Variants in CSMD1 observed in about 807,000 individuals in gnomAD.
The protein encoded by CSMD1 is CUB and Sushi multiple domains 1.
CSMD1 carries 213 observed loss-of-function variants against 417.5 expected under a neutral mutation model. The observed-to-expected ratio is 0.51, with a 90% CI of 0.46 to 0.57. CSMD1 has a LOEUF of 0.57. CSMD1 is among the 20% of genes least tolerant of loss of function. The pLI is 0.00. For synonymous variants in CSMD1, 2,862 were observed against 1,736.8 expected (o/e 1.65, Z -16.11); for missense variants, 6,923 against 4,529.7 (o/e 1.53, Z -15.17).
chr8:3,291,744 T>G (rs1312780115), intron 25 of CSMD1, among the ~76,000 whole-genome samples: 1 of 152,184 alleles, frequency 6.6e-6, no homozygotes, highest in Non-Finnish European at 1.5e-5. Flanking sequence ...TTGCTAGTGG[T>G]TTATCAGTTT....
chr8:4,069,796 T>G (rs1208964145), intron 3 of CSMD1, among the ~76,000 whole-genome samples: 1 of 152,202 alleles, frequency 6.6e-6, no homozygotes, highest in Non-Finnish European at 1.5e-5. Flanking sequence ...GTTAAACACG[T>G]AATTACTCGA....
intron 34 of CSMD1, 39 bp from the exon 35 acceptor site, chr8:3,189,050 T>G: frequency 6.3e-7 from 1 of 1,584,952 alleles, no homozygotes; most frequent in Non-Finnish European, 8.6e-7. Context: ...TAAAGTGCTG[T>G]GGGACAGTGT....
intron 3 of CSMD1, among the ~76,000 whole-genome samples, chr8:4,318,049 C>T (rs772341284): frequency 3.1e-4 from 47 of 152,014 alleles, no homozygotes; most frequent in Admixed American, 1.0e-3. Flanking sequence ...TAAAATTGTG[C>T]GTTCGTTTTT....
rs1442281381 is a variant in CSMD1 at position 4,964,207 on chromosome 8, C to G, written c.85+30125G>C. Among the ~76,000 whole-genome samples the G allele has an allele frequency of 2.0e-5, 3 of 151,776 alleles. No individual in the cohort carries two copies. In the East Asian group the frequency reaches 5.8e-4, roughly 29 times the overall value. ...GGAAATACATTAATACATTTTAGAG[C>G]AAAATGAATGAATGAGTAGCAGGCA... On this transcript the variant is annotated intron_variant, in intron 1 of 69. Transcript: ENST00000635120.
At chr8:3,535,803 G>C (rs1371253145) in intron 10 of CSMD1, among the ~76,000 whole-genome samples, 1 of 152,132 alleles carries the variant, frequency 6.6e-6, no homozygotes, top group Non-Finnish European at 1.5e-5. Context: ...CCAAGGGCTG[G>C]ATTCCTTGCA....
intron 2 of CSMD1, among the ~76,000 whole-genome samples, chr8:4,483,505 G>C (rs1801213180): frequency 6.6e-6 from 1 of 152,164 alleles, no homozygotes; most frequent in African/African-American, 2.4e-5. Flanking sequence ...TATGATGTAT[G>C]AAAGTCATAC....
chr8:3,291,612 A>C (rs1206180595), intron 25 of CSMD1, among the ~76,000 whole-genome samples: 3 of 152,118 alleles, frequency 2.0e-5, no homozygotes. Flanking sequence ...GTTTATTTGC[A>C]TAGAGGTGTT....
intron 1 of CSMD1, among the ~76,000 whole-genome samples, chr8:4,803,687 C>A (rs1798432875): frequency 6.6e-6 from 1 of 152,120 alleles, no homozygotes; most frequent in Admixed American, 6.5e-5. Flanking sequence ...TAAAGTTAAG[C>A]TCATTTCTGC....
chr8:3,605,625 C>T (rs994983626), intron 8 of CSMD1, among the ~76,000 whole-genome samples: 3 of 152,028 alleles, frequency 2.0e-5, no homozygotes, highest in African/African-American at 7.2e-5. Context: ...TTTGATGACA[C>T]ATAATTCATA....
At chr8:4,025,335 T>C (rs772943670) in intron 4 of CSMD1, among the ~76,000 whole-genome samples, 1 of 152,222 alleles carries the variant, frequency 6.6e-6, no homozygotes, top group Admixed American at 6.5e-5. Context: ...TCAGGAAGAA[T>C]ACCTTGTTTT....
At chr8:2,997,610 C>T (rs986652332) in intron 54 of CSMD1, among the ~76,000 whole-genome samples, 5 of 152,098 alleles carry the variant, frequency 3.3e-5, no homozygotes, top group African/African-American at 9.6e-5. Context: ...TCTGTGACTA[C>T]GTTTAAAGAA....
At chr8:3,861,000 T>C (rs914445287) in intron 5 of CSMD1, among the ~76,000 whole-genome samples, 1 of 152,230 alleles carries the variant, frequency 6.6e-6, no homozygotes, top group Non-Finnish European at 1.5e-5. Flanking sequence ...ATGGAAAGTA[T>C]GACAGATATG....
intron 30 of CSMD1, among the ~76,000 whole-genome samples, chr8:3,207,314 ATT>A (rs34423835): frequency 4.3e-4 from 59 of 138,414 alleles, no homozygotes; most frequent in Non-Finnish European, 5.2e-4. Context: ...CACCTGGCTG[ATT>A]TTTTTTTTTT....
rs114957950 is a variant in CSMD1 at position 3,611,604 on chromosome 8, G to C, written c.1097+5106C>G. On this transcript the variant is annotated intron_variant, in intron 8 of 69. Coordinates refer to ENST00000635120, the MANE Select transcript of CSMD1 (RefSeq NM_033225.6). Reference sequence around the variant, plus strand: ...AGTAATAAAATTGTAATTTTCATTTGTAATTTTCTAACGAAAATTAGAAAA... The same window carrying C: ...AGTAATAAAATTGTAATTTTCATTTCTAATTTTCTAACGAAAATTAGAAAA... 6.2e-3 allele frequency among the ~76,000 whole-genome samples: 938 copies of C among 152,134 alleles called. 7 individuals are homozygous for C. The highest frequency in any genetic ancestry group is 0.021 in the African/African-American group (853 of 41,518).
rs760074439 is a variant in CSMD1 at position 3,029,512 on chromosome 8, C to T, written c.7662G>A (p.Pro2554=). 1.1e-5 allele frequency: 17 copies of T among 1,589,446 alleles called. No individual in the cohort carries two copies. The highest frequency in any genetic ancestry group is 1.3e-5 in the African/African-American group (1 of 74,246). ...SNKGKPPTCK[P]VACPSIEAQL... ...GAGCTTCAATGCTGGGGCAAGCGAC[C>T]GCTGGAAGGGAAACGTACATCACAT... Residue 2554 remains proline (P), a splice_region_variant and synonymous_variant, in exon 51 of 70, where the codon CCG becomes CCA. Transcript: ENST00000635120.
At chr8:3,415,893 A>AT (rs1186929767) in intron 12 of CSMD1, among the ~76,000 whole-genome samples, 1 of 152,188 alleles carries the variant, frequency 6.6e-6, no homozygotes, top group Admixed American at 6.5e-5. Context: ...AATAAGTGAG[A>AT]TTTTTTAAAT....
chr8:3,152,983 G>A (rs1328530971), intron 39 of CSMD1, among the ~76,000 whole-genome samples: 4 of 152,184 alleles, frequency 2.6e-5, no homozygotes, highest in African/African-American at 9.7e-5. Context: ...ACTCCACCTG[G>A]AATAGGAGCT....
rs75588169 is a variant in CSMD1, at chr8:3,168,400, G to A, written c.5726-6123C>T. Among the ~76,000 whole-genome samples, 547 of 152,244 alleles carry A rather than the reference G, an allele frequency of 3.6e-3. 7 individuals carry two copies. Among genetic ancestry groups the A allele is most frequent in the African/African-American group, 0.012 (499 of 41,532 alleles). On this transcript the variant is annotated intron_variant, in intron 37 of 69. Transcript: ENST00000635120. Reference sequence around the variant, plus strand: ...CACAGGTATGGCACACCCTAACACAGAGGTGCTGCTCGTTATTTTTGTTAA... The same window carrying A: ...CACAGGTATGGCACACCCTAACACAAAGGTGCTGCTCGTTATTTTTGTTAA...
chr8:4,454,343 A>T (rs1284060383), intron 2 of CSMD1, among the ~76,000 whole-genome samples: 1 of 152,136 alleles, frequency 6.6e-6, no homozygotes, highest in Non-Finnish European at 1.5e-5. Context: ...ATGCAGCTTC[A>T]TCTTACTTTT....
Sources: allele counts gnomAD v4.1 joint callset (sites outside exome capture counted in the v4.1 genomes callset), GRCh38; gene constraint gnomAD v4.1.1; transcripts MANE v1.5; gene names NCBI Gene and HGNC (gene_info 2026-07-23, HGNC 2026-07-21).